CLYBL: variants seen among roughly 807,000 people sequenced by gnomAD.
CLYBL encodes the protein citramalyl-CoA lyase, also known as citramalyl-CoA lyase, mitochondrial.
CLYBL carries 31 observed loss-of-function variants against 38.9 expected under a neutral mutation model. That is an observed-to-expected ratio of 0.80 (90% confidence interval 0.60 to 1.08). CLYBL has a LOEUF of 1.08. Among genes scored for constraint, CLYBL ranks in the 50% least tolerant of loss-of-function variants. CLYBL has a pLI of 0.00. For synonymous variants in CLYBL, 171 were observed against 158.6 expected (o/e 1.08, Z -0.59); for missense variants, 434 against 411.6 (o/e 1.05, Z -0.47).
chr13:99,818,910 C>T (rs2050516016), intron 2 of CLYBL, among the ~76,000 whole-genome samples: 1 of 152,178 alleles, frequency 6.6e-6, no homozygotes, highest in South Asian at 2.1e-4. Flanking sequence ...AGCTGATGCA[C>T]TGTAATTGTC....
chr13:99,639,276 CTG>C (rs1391880824), intron 1 of CLYBL, among the ~76,000 whole-genome samples: 5 of 152,194 alleles, frequency 3.3e-5, no homozygotes, highest in African/African-American at 1.2e-4. Context: ...TGTGGTCACT[CTG>C]TGGACACGCA....
chr13:99,687,583 T>C (rs1003809406), intron 1 of CLYBL, among the ~76,000 whole-genome samples: 3 of 152,210 alleles, frequency 2.0e-5, no homozygotes, highest in African/African-American at 7.2e-5. Context: ...TTGTGAATGG[T>C]AGGCTAAATG....
chr13:99,877,823 C>T (rs185416951), intron 7 of CLYBL: 44 of 164,628 alleles, frequency 2.7e-4, no homozygotes, highest in Non-Finnish European at 4.6e-4. Context: ...CTGCCCACCT[C>T]CGCCTCCCAA....
chr13:99,870,528 T>C (rs979417769), intron 6 of CLYBL, among the ~76,000 whole-genome samples: 2 of 152,190 alleles, frequency 1.3e-5, no homozygotes, highest in African/African-American at 4.8e-5. Flanking sequence ...AAAGACACCT[T>C]ATAAAATTTG....
intron 8 of CLYBL, chr13:99,891,716 A>G (rs1043161558): frequency 3.8e-5 from 10 of 262,200 alleles, no homozygotes; most frequent in Non-Finnish European, 5.8e-5. Context: ...AGGCGAAGGT[A>G]GGTCTTTAAT....
intron 1 of CLYBL, among the ~76,000 whole-genome samples, chr13:99,706,548 G>A (rs2048149391): frequency 6.6e-6 from 1 of 152,146 alleles, no homozygotes; most frequent in South Asian, 2.1e-4. Flanking sequence ...CTTATCAATA[G>A]AGTATTACGG....
At chr13:99,633,356 A>T (rs754237079) in intron 1 of CLYBL, among the ~76,000 whole-genome samples, 2 of 151,918 alleles carry the variant, frequency 1.3e-5, no homozygotes, top group East Asian at 3.9e-4. Flanking sequence ...CCTGGGCAAC[A>T]TGGCAAAACC....
chr13:99,627,402 T>C (rs2139222257), intron 1 of CLYBL, among the ~76,000 whole-genome samples: 1 of 152,320 alleles, frequency 6.6e-6, no homozygotes, highest in East Asian at 1.9e-4. Flanking sequence ...TAGTTGTTGG[T>C]GCTACAAAGT....
chr13:99,677,474 G>A (rs947597167), intron 1 of CLYBL, among the ~76,000 whole-genome samples: 3 of 152,146 alleles, frequency 2.0e-5, no homozygotes, highest in African/African-American at 4.8e-5. Flanking sequence ...ATGAGTGCAC[G>A]TGTGTCTGTG....
At chr13:99,795,782 T>G (rs1306533864) in intron 2 of CLYBL, among the ~76,000 whole-genome samples, 1 of 152,222 alleles carries the variant, frequency 6.6e-6, no homozygotes, top group Non-Finnish European at 1.5e-5. Context: ...CAAAGACTAT[T>G]CAAGAATTGG....
intron 7 of CLYBL, among the ~76,000 whole-genome samples, chr13:99,886,615 A>G (rs1348385918): frequency 6.6e-6 from 1 of 152,272 alleles, no homozygotes; most frequent in Non-Finnish European, 1.5e-5. Context: ...GGTAACTGTC[A>G]AATAAAAGCC....
At chr13:99,681,709 C>A (rs575849335) in intron 1 of CLYBL, among the ~76,000 whole-genome samples, 63 of 152,218 alleles carry the variant, frequency 4.1e-4, no homozygotes, top group African/African-American at 1.4e-3. Context: ...GCCTCAGCCT[C>A]CTGAGTAGCT....
At chr13:99,882,976 G>GCCAGC (rs1480287457) in intron 7 of CLYBL, among the ~76,000 whole-genome samples, 4 of 151,816 alleles carry the variant, frequency 2.6e-5, no homozygotes, top group Admixed American at 6.5e-5. Flanking sequence ...GCCAGGCCAG[G>GCCAGC]CCAGCCCAGC....
intron 2 of CLYBL, among the ~76,000 whole-genome samples, chr13:99,847,860 G>A (rs1478731557): frequency 6.6e-6 from 1 of 152,186 alleles, no homozygotes; most frequent in Non-Finnish European, 1.5e-5. Context: ...GTCATGACCT[G>A]TCACCACCAT....
At chr13:99,802,820 TTATCTTCCTGGCTG>T (rs1219741343) in intron 2 of CLYBL, among the ~76,000 whole-genome samples, 1 of 152,190 alleles carries the variant, frequency 6.6e-6, no homozygotes, top group African/African-American at 2.4e-5. Flanking sequence ...TCAGACTCAG[TTATCTTCCTGGCTG>T]TATATTCTAC....
At position 99,858,879 on chromosome 13, in the gene CLYBL, A is replaced by C. The variant is rs2139198448; in HGVS notation, c.268A>C (p.Ile90Leu). 6.2e-7 allele frequency: 1 copy of C among 1,603,962 alleles called. No homozygotes were observed. The highest frequency in any genetic ancestry group is 8.5e-7 in the Non-Finnish European group (1 of 1,177,158). Residue 90 changes from isoleucine to leucine, a missense_variant, in exon 3 of 9, where the codon ATT becomes CTT. Transcript: ENST00000339105. ...CTTACAGAATGAAGCTCGACTGAGAATTGTAAAAACTCTTGAAGACATTGA... is the reference window on the plus strand; with the variant it reads ...CTTACAGAATGAAGCTCGACTGAGACTTGTAAAAACTCTTGAAGACATTGA... ...ANKKNEARLR[I>L]VKTLEDIDLG...
chr13:99,751,290 G>A (rs758811046), intron 1 of CLYBL, among the ~76,000 whole-genome samples: 11 of 151,692 alleles, frequency 7.3e-5, no homozygotes, highest in East Asian at 1.9e-4. Context: ...GTGTGATCCC[G>A]GCGCACTGCA....
chr13:99,840,636 G>C (rs998057216), intron 2 of CLYBL, among the ~76,000 whole-genome samples: 1 of 150,834 alleles, frequency 6.6e-6, no homozygotes, highest in African/African-American at 2.4e-5. Flanking sequence ...TGTAGTCCCA[G>C]CTACCTGGAA....
rs147202649 is a variant in CLYBL at position 99,710,128 on chromosome 13, G to C, written c.63-62696G>C. Among the ~76,000 whole-genome samples, 748 of 151,896 alleles carry C rather than the reference G, an allele frequency of 4.9e-3. 6 individuals are homozygous for C. The highest frequency in any genetic ancestry group is 0.017 in the African/African-American group (711 of 41,462). On this transcript the variant is annotated intron_variant, in intron 1 of 8. Coordinates refer to ENST00000339105, the MANE Select transcript of CLYBL (RefSeq NM_206808.5). ...TTCAGTAGAGATGGGGTTTCACCGTGGTCTCGATCTGCTGACCTCGTGATC... is the reference window on the plus strand; with the variant it reads ...TTCAGTAGAGATGGGGTTTCACCGTCGTCTCGATCTGCTGACCTCGTGATC...
Sources: gnomAD v4.1 joint callset for allele counts (sites outside exome capture counted in the v4.1 genomes callset) on GRCh38, gnomAD v4.1.1 for gene constraint, MANE v1.5 for transcripts, NCBI Gene and HGNC (gene_info 2026-07-23, HGNC 2026-07-21) for gene names.